Variants in PDLIM1 observed in about 807,000 individuals in gnomAD.
The protein encoded by PDLIM1 is PDZ and LIM domain protein 1.
Under a neutral mutation model 35.2 loss-of-function variants are expected in PDLIM1, and 25 were observed. That is an observed-to-expected ratio of 0.71 (90% CI 0.52 to 0.99). PDLIM1 has a LOEUF of 0.99. Ranked by LOEUF, PDLIM1 falls within the 50% of genes least tolerant of loss-of-function variation. The probability of loss-of-function intolerance (pLI) is 0.00; values close to 1 mark genes in which losing one functional copy is unlikely to be tolerated. For missense variants in PDLIM1, 363 were observed against 415.3 expected, an observed-to-expected ratio of 0.87 and a Z score of 1.09; for synonymous variants, 152 against 154.0, an observed-to-expected ratio of 0.99 and a Z score of 0.10.
At chr10:95,280,278 G>A (rs2035549850) in intron 1 of PDLIM1, among the ~76,000 whole-genome samples, 1 of 152,150 alleles carries the variant, frequency 6.6e-6, no homozygotes, top group Admixed American at 6.5e-5. Context: ...AGGAGGCTGA[G>A]GCAGGAGAAT....
chr10:95,253,643 C>T (rs994620578), intron 4 of PDLIM1, among the ~76,000 whole-genome samples: 6 of 136,622 alleles, frequency 4.4e-5, no homozygotes, highest in East Asian at 2.0e-4. Context: ...GTGACAAGAG[C>T]GAGACTCTGT....
chr10:95,270,473 CAG>C (rs1459668714), intron 2 of PDLIM1, among the ~76,000 whole-genome samples: 1 of 152,094 alleles, frequency 6.6e-6, no homozygotes, highest in Non-Finnish European at 1.5e-5. Flanking sequence ...CAGTAGGAAA[CAG>C]GGAGCCAACT....
At chr10:95,258,652 C>T (rs2035336482) in intron 4 of PDLIM1, among the ~76,000 whole-genome samples, 1 of 152,024 alleles carries the variant, frequency 6.6e-6, no homozygotes, top group African/African-American at 2.4e-5. Context: ...ATAGTGGTTG[C>T]TAGGGGCTTG....
intron 1 of PDLIM1, among the ~76,000 whole-genome samples, chr10:95,279,946 G>A (rs751590231): frequency 2.0e-5 from 3 of 152,086 alleles, no homozygotes; most frequent in Non-Finnish European, 4.4e-5. Flanking sequence ...TCAATTCTAG[G>A]CAACATAAAC....
At chr10:95,288,946 G>A (rs549802378) in intron 1 of PDLIM1, among the ~76,000 whole-genome samples, 8 of 152,214 alleles carry the variant, frequency 5.3e-5, no homozygotes, top group African/African-American at 1.7e-4. Context: ...ACGTGCACAC[G>A]CCATAAATAA....
intron 4 of PDLIM1, among the ~76,000 whole-genome samples, chr10:95,258,788 A>G (rs562408462): frequency 6.0e-4 from 92 of 152,346 alleles, no homozygotes; most frequent in Non-Finnish European, 1.2e-3. Context: ...AATACACTTA[A>G]AAACGTTTAA....
intron 1 of PDLIM1, among the ~76,000 whole-genome samples, chr10:95,286,346 C>T (rs2035601746): frequency 7.2e-6 from 1 of 139,164 alleles, no homozygotes. Flanking sequence ...AACAGAGCGA[C>T]ACCCTGTCTC....
intron 1 of PDLIM1, among the ~76,000 whole-genome samples, chr10:95,273,882 T>TA (rs995228254): frequency 3.9e-5 from 6 of 152,242 alleles, no homozygotes; most frequent in Non-Finnish European, 8.8e-5. Context: ...ACTTCACTGT[T>TA]ACTAAAGGAC....
chr10:95,280,183 C>G (rs983058758), intron 1 of PDLIM1, among the ~76,000 whole-genome samples: 3 of 152,142 alleles, frequency 2.0e-5, no homozygotes, highest in African/African-American at 7.2e-5. Context: ...CAAGACCAGC[C>G]TGGCCAACAT....
intron 4 of PDLIM1, among the ~76,000 whole-genome samples, chr10:95,260,633 A>C (rs1387159468): frequency 6.6e-6 from 1 of 152,240 alleles, no homozygotes; most frequent in Non-Finnish European, 1.5e-5. Flanking sequence ...TGACTGGGAC[A>C]CAGCTCTGTA....
At chr10:95,240,216 T>C (rs934963126) in intron 5 of PDLIM1, among the ~76,000 whole-genome samples, 13 of 152,160 alleles carry the variant, frequency 8.5e-5, no homozygotes, top group Admixed American at 6.5e-5. Flanking sequence ...TCACTATTCA[T>C]GATAGCAAAG....
intron 5 of PDLIM1, among the ~76,000 whole-genome samples, chr10:95,240,203 C>A (rs1339727692): frequency 6.6e-6 from 1 of 152,180 alleles, no homozygotes; most frequent in Admixed American, 6.5e-5. Flanking sequence ...TTCATCACAG[C>A]ACTCACTATT....
At chr10:95,278,915 T>C (rs563970597) in intron 1 of PDLIM1, among the ~76,000 whole-genome samples, 1 of 152,346 alleles carries the variant, frequency 6.6e-6, no homozygotes, top group Admixed American at 6.5e-5. Context: ...CTAGCAGGTC[T>C]TTCAGAAGGC....
chr10:95,290,725 T>G lies in PDLIM1; in HGVS notation c.96+95A>C, dbSNP rs1345472127. 1.3e-6 allele frequency: 1 copy of G among 760,770 alleles called. No individual in the cohort carries two copies. Among genetic ancestry groups the G allele is most frequent in the East Asian group, 3.4e-5 (1 of 29,040 alleles). The allele number at this position is 760,770 out of a possible 1,614,324, so 47.1% of individuals were successfully genotyped here. On this transcript the variant is annotated intron_variant, in intron 1 of 6. Coordinates refer to ENST00000329399, the MANE Select transcript of PDLIM1 (RefSeq NM_020992.4). This position sits in a 1 kb window ranked among gnomAD's most constrained non-coding sequence, Gnocchi z 4.7. The stretch of plus-strand genomic sequence containing the variant: ...GCACCTGGACGCGCCCGGCTGCGGT[T>G]CCGACTCCGTCCCCGACCGCGCCCG...
chr10:95,283,565 C>A (rs538986984), intron 1 of PDLIM1, among the ~76,000 whole-genome samples: 4 of 152,164 alleles, frequency 2.6e-5, no homozygotes, highest in African/African-American at 7.2e-5. Context: ...GCTACGTGTG[C>A]GGAAAAAGTC....
At chr10:95,244,457 G>A (rs1378994081) in intron 5 of PDLIM1, among the ~76,000 whole-genome samples, 2 of 152,210 alleles carry the variant, frequency 1.3e-5, no homozygotes, top group African/African-American at 4.8e-5. Context: ...TGCTGGAGGT[G>A]TCACAGCAGG....
At position 95,247,271 on chromosome 10, in the gene PDLIM1, G is replaced by C; in HGVS notation, c.629C>G (p.Pro210Arg). The C allele has an allele frequency of 6.2e-7, 1 of 1,614,038 alleles. No homozygotes were observed. The highest frequency in any genetic ancestry group is 8.5e-7 in the Non-Finnish European group (1 of 1,179,966). The change falls in exon 5 of 7, where the codon CCG (proline) becomes CGG (arginine). Residue 210 changes from proline (P) to arginine (R), a missense_variant. Transcript: ENST00000329399. ...LQEKQELNEP[P>R]KQSTSFLVLQ... ...AACCAAGAAAGACGTGGACTGTTTC[G>C]GGGGCTCATTCAACTCCTGTTTCTC...
chr10:95,282,279 T>A (rs564894559), intron 1 of PDLIM1, among the ~76,000 whole-genome samples: 1 of 152,348 alleles, frequency 6.6e-6, no homozygotes, highest in South Asian at 2.1e-4. Context: ...TTAGTCAGAA[T>A]CTTCTGACTC....
At position 95,248,409 on chromosome 10, in the gene PDLIM1, G is replaced by A. The variant is rs867198911; in HGVS notation, c.534-1043C>T. 6.6e-5 allele frequency among the ~76,000 whole-genome samples: 10 copies of A among 152,014 alleles called. No individual in the cohort carries two copies. The East Asian group carries it at 7.7e-4, about 12-fold the overall frequency. ...GACTACAGGTGTGCCACCATCCCCC[G>A]CTGATTTTGTCATTATTTTGTAGAG... is the stretch of plus-strand genomic sequence containing the variant. On this transcript the variant is annotated intron_variant, in intron 4 of 6. Transcript: ENST00000329399.
Sources: gnomAD v4.1 joint callset for allele counts (sites outside exome capture counted in the v4.1 genomes callset) on GRCh38, gnomAD v4.1.1 for gene constraint, Gnocchi (gnomAD v3.1) non-coding constraint, MANE v1.5 for transcripts, NCBI Gene and HGNC (gene_info 2026-07-23, HGNC 2026-07-21) for gene names.